The following LDLRAD3 variants were observed in gnomAD, a reference collection of about 807,000 sequenced individuals.
LDLRAD3 encodes low-density lipoprotein receptor class A domain-containing protein 3.
Under a neutral mutation model 29.4 loss-of-function variants are expected in LDLRAD3, and 20 were observed. The observed-to-expected ratio is 0.68, with a 90% CI of 0.48 to 0.99. LDLRAD3 has a LOEUF of 0.99. LDLRAD3 is among the 50% of genes least tolerant of loss of function. The pLI, the probability that LDLRAD3 is intolerant of heterozygous loss-of-function variation, is 0.00. For synonymous variants in LDLRAD3, 157 were observed against 192.7 expected (o/e 0.81, Z 1.53); for missense variants, 420 against 454.3 (o/e 0.92, Z 0.69).
At position 35,944,299 on chromosome 11, in the gene LDLRAD3, G is replaced by A. The variant is rs1851026964; in HGVS notation, c.46+155G>A. On this transcript the variant is annotated intron_variant, in intron 1 of 5. Transcript: ENST00000315571. The surrounding 1 kb of genome is among the most constrained non-coding windows in gnomAD (Gnocchi z 4.9). ...CGGACCCCGGCGCCGGGCTGGCCCGGACCCTGCCGAGGGGCCGCCGCGGGG... is the reference window on the plus strand; with the variant it reads ...CGGACCCCGGCGCCGGGCTGGCCCGAACCCTGCCGAGGGGCCGCCGCGGGG... Among the ~76,000 whole-genome samples the A allele has an allele frequency of 6.6e-6, 1 of 151,336 alleles. No homozygotes were observed. Among genetic ancestry groups the A allele is most frequent in the Non-Finnish European group, 1.5e-5 (1 of 67,738 alleles).
At chr11:36,032,127 A>T (rs184755854) in intron 1 of LDLRAD3, among the ~76,000 whole-genome samples, 1 of 152,276 alleles carries the variant, frequency 6.6e-6, no homozygotes. Flanking sequence ...CATTGTTTTA[A>T]CTTCATTACC....
chr11:36,062,998 G>C (rs1386287644), intron 2 of LDLRAD3, among the ~76,000 whole-genome samples: 1 of 152,182 alleles, frequency 6.6e-6, no homozygotes, highest in Non-Finnish European at 1.5e-5. Context: ...AAACGATTAT[G>C]ATGAATAGAG....
chr11:36,106,861 G>A (rs762016697), intron 4 of LDLRAD3, among the ~76,000 whole-genome samples: 8 of 152,230 alleles, frequency 5.3e-5, no homozygotes, highest in Admixed American at 1.3e-4. Context: ...TCCCTGCCCC[G>A]TGGATGCGGG....
rs139230156 is a variant in LDLRAD3, at chr11:36,216,824, G to A, written c.455-10261G>A. On this transcript the variant is annotated intron_variant, in intron 4 of 5. Transcript: ENST00000315571. ...TTCCAGTATATTGATCAGACTCTAA[G>A]ATTGAGTATTCATTGAAGTTACTGG... is the stretch of plus-strand genomic sequence containing the variant. 9.4e-4 allele frequency among the ~76,000 whole-genome samples: 143 copies of A among 152,284 alleles called. 1 individual carries two copies. In the East Asian group the frequency reaches 0.026, roughly 27 times the overall value.
chr11:36,121,521 C>T (rs1853757373), intron 4 of LDLRAD3, among the ~76,000 whole-genome samples: 1 of 152,188 alleles, frequency 6.6e-6, no homozygotes, highest in Non-Finnish European at 1.5e-5. Flanking sequence ...CCACTTTGTC[C>T]ACCACCACAA....
At chr11:36,101,730 AT>A (rs1398635283) in intron 4 of LDLRAD3, among the ~76,000 whole-genome samples, 1 of 152,126 alleles carries the variant, frequency 6.6e-6, no homozygotes, top group Non-Finnish European at 1.5e-5. Flanking sequence ...CGACTAACTC[AT>A]TTTGGTGCTT....
At chr11:36,208,869 A>G (rs1271453559) in intron 4 of LDLRAD3, among the ~76,000 whole-genome samples, 1 of 152,234 alleles carries the variant, frequency 6.6e-6, no homozygotes, top group Non-Finnish European at 1.5e-5. Context: ...TTTAAGCAGA[A>G]ACAGGATATT....
At chr11:36,130,907 G>T (rs930775317) in intron 4 of LDLRAD3, among the ~76,000 whole-genome samples, 1 of 152,142 alleles carries the variant, frequency 6.6e-6, no homozygotes, top group Non-Finnish European at 1.5e-5. Flanking sequence ...CTCTTTCATG[G>T]ACTGCCTCCC....
intron 1 of LDLRAD3, among the ~76,000 whole-genome samples, chr11:35,999,961 A>G (rs906188684): frequency 2.8e-4 from 42 of 152,182 alleles, no homozygotes; most frequent in African/African-American, 9.9e-4. Context: ...CTGCAGTGGT[A>G]AACATTGGAA....
chr11:35,996,968 T>C (rs556244853), intron 1 of LDLRAD3, among the ~76,000 whole-genome samples: 13 of 152,258 alleles, frequency 8.5e-5, no homozygotes, highest in African/African-American at 1.7e-4. Flanking sequence ...TTTGGGAATA[T>C]AGTGTCTGCC....
chr11:36,158,122 CTTA>C (rs1367477510), intron 4 of LDLRAD3, among the ~76,000 whole-genome samples: 2 of 152,090 alleles, frequency 1.3e-5, no homozygotes, highest in Non-Finnish European at 2.9e-5. Context: ...AGTTTCTGTA[CTTA>C]TTATACTATT....
At chr11:36,174,875 A>G (rs553615062) in intron 4 of LDLRAD3, among the ~76,000 whole-genome samples, 1 of 152,238 alleles carries the variant, frequency 6.6e-6, no homozygotes, top group Non-Finnish European at 1.5e-5. Flanking sequence ...CCAGCTACTC[A>G]GGAGGCTGAG....
At chr11:36,014,221 T>C (rs376668740) in intron 1 of LDLRAD3, among the ~76,000 whole-genome samples, 1 of 152,140 alleles carries the variant, frequency 6.6e-6, no homozygotes, top group African/African-American at 2.4e-5. Flanking sequence ...ATGGAGTTGC[T>C]CTGGGCAGAA....
chr11:36,124,866 A>G (rs1853813517), intron 4 of LDLRAD3, among the ~76,000 whole-genome samples: 1 of 151,834 alleles, frequency 6.6e-6, no homozygotes, highest in South Asian at 2.1e-4. Flanking sequence ...TAATTTTGGT[A>G]TTTTTAGTAG....
chr11:36,034,436 G>A (rs1309609664), intron 1 of LDLRAD3, among the ~76,000 whole-genome samples: 2 of 152,184 alleles, frequency 1.3e-5, no homozygotes, highest in Admixed American at 6.5e-5. Flanking sequence ...GAGGGGACAA[G>A]GGAGATTTCT....
chr11:36,016,742 A>C (rs1427109680), intron 1 of LDLRAD3, among the ~76,000 whole-genome samples: 1 of 152,258 alleles, frequency 6.6e-6, no homozygotes, highest in African/African-American at 2.4e-5. Context: ...CCAGTACACT[A>C]TACATCTACA....
At chr11:35,995,941 T>A (rs1235350921) in intron 1 of LDLRAD3, among the ~76,000 whole-genome samples, 1 of 152,262 alleles carries the variant, frequency 6.6e-6, no homozygotes, top group Non-Finnish European at 1.5e-5. Flanking sequence ...AAGGGAATGC[T>A]ATGGCTGGTT....
chr11:36,012,286 C>T (rs564347878), intron 1 of LDLRAD3, among the ~76,000 whole-genome samples: 1 of 152,304 alleles, frequency 6.6e-6, no homozygotes, highest in South Asian at 2.1e-4. Context: ...ATAACTTTTG[C>T]AGTTTGAGGT....
chr11:36,084,171 C>T (rs1213723742), intron 3 of LDLRAD3, among the ~76,000 whole-genome samples: 3 of 152,304 alleles, frequency 2.0e-5, no homozygotes, highest in East Asian at 3.9e-4. Context: ...ACAATCCTCC[C>T]GCCTTGGGTT....
Sources: allele counts gnomAD v4.1 joint callset (sites outside exome capture counted in the v4.1 genomes callset), GRCh38; gene constraint gnomAD v4.1.1; non-coding constraint Gnocchi (gnomAD v3.1); transcripts MANE v1.5; gene names NCBI Gene and HGNC (gene_info 2026-07-23, HGNC 2026-07-21).